The following NEK7 variants were observed in gnomAD, a reference collection of about 807,000 sequenced individuals.
NEK7 encodes NIMA related kinase 7.
Under a neutral mutation model 44.6 loss-of-function variants are expected in NEK7, and 18 were observed. The ratio of observed to expected loss-of-function variants is 0.40; its 90% CI spans 0.28 to 0.60. The LOEUF (loss-of-function observed/expected upper bound fraction) is 0.60, where lower values mean the gene tolerates loss of function less well. NEK7 is among the 20% of genes least tolerant of loss of function. The pLI is 0.38. For missense variants in NEK7, 256 were observed against 366.5 expected, an observed-to-expected ratio of 0.70 and a Z score of 2.46; for synonymous variants, 130 against 121.1, an observed-to-expected ratio of 1.07 and a Z score of -0.48.
In NEK7 at chr1:198,262,651, T is replaced by C; in HGVS notation, c.261+14T>C. 1 of 1,491,522 alleles carries C rather than the reference T, an allele frequency of 6.7e-7. No homozygotes were observed. The highest frequency in any genetic ancestry group is 2.3e-5 in the East Asian group (1 of 43,870). 92.4% of individuals were successfully genotyped at this position (1,491,522 alleles called of 1,614,324 possible). On this transcript the variant is annotated intron_variant, in intron 4 of 9. Transcript: ENST00000367385. ...GATCTTCTTAAGGTAATTAATGAAC[T>C]GTTGACTCTTTTGAACATAACATGG...
intron 1 of NEK7, among the ~76,000 whole-genome samples, chr1:198,185,833 C>T (rs1042389684): frequency 6.6e-6 from 1 of 152,098 alleles, no homozygotes; most frequent in African/African-American, 2.4e-5. Flanking sequence ...GCAGAGAAGG[C>T]ATTATTTGTT....
chr1:198,262,265 C>T (rs76920081), intron 3 of NEK7, among the ~76,000 whole-genome samples: 3,985 of 151,964 alleles, frequency 0.026, 176 homozygotes, highest in African/African-American at 0.09. Flanking sequence ...ATTAATTGCT[C>T]AACATATATT....
intron 1 of NEK7, among the ~76,000 whole-genome samples, chr1:198,176,632 T>C (rs1172722176): frequency 6.6e-6 from 1 of 152,072 alleles, no homozygotes; most frequent in Non-Finnish European, 1.5e-5. Flanking sequence ...AAGAATTTCA[T>C]TACTAACATC....
chr1:198,227,372 G>T (rs1182983633), intron 1 of NEK7, among the ~76,000 whole-genome samples: 2 of 152,212 alleles, frequency 1.3e-5, no homozygotes, highest in Non-Finnish European at 2.9e-5. Context: ...ATAATCCTTT[G>T]GGTATATACC....
At chr1:198,193,864 ATTG>A (rs1461774493) in intron 1 of NEK7, among the ~76,000 whole-genome samples, 1 of 152,228 alleles carries the variant, frequency 6.6e-6, no homozygotes, top group African/African-American at 2.4e-5. Flanking sequence ...CCAATATCAT[ATTG>A]AATGGGCAAA....
intron 9 of NEK7, among the ~76,000 whole-genome samples, chr1:198,305,100 G>T (rs1558103509): frequency 9.1e-6 from 1 of 109,826 alleles, no homozygotes; most frequent in Admixed American, 1.1e-4. Context: ...CATAAACCAT[G>T]AAATGCTTAC....
chr1:198,279,122 G>T, intron 7 of NEK7, 61 bp downstream of exon 7: 1 of 1,016,250 alleles, frequency 9.8e-7, no homozygotes. Flanking sequence ...AAAGATAAGA[G>T]GTATACCAAT....
intron 7 of NEK7, among the ~76,000 whole-genome samples, chr1:198,284,001 G>T (rs1198045373): frequency 1.3e-5 from 2 of 152,020 alleles, no homozygotes; most frequent in African/African-American, 4.8e-5. Flanking sequence ...CTTGTTATCT[G>T]GCCTGTTGAA....
intron 1 of NEK7, among the ~76,000 whole-genome samples, chr1:198,166,202 A>T (rs1425807890): frequency 6.6e-6 from 1 of 152,222 alleles, no homozygotes; most frequent in Non-Finnish European, 1.5e-5. Flanking sequence ...GTGTTCACTG[A>T]GTATCACTTT....
rs759739444 is a variant in NEK7, at chr1:198,179,872, A to G, written c.-29+22596A>G. 1.2e-4 allele frequency among the ~76,000 whole-genome samples: 18 copies of G among 152,138 alleles called. No homozygotes were observed. The South Asian group carries it at 1.2e-3, about 11-fold the overall frequency. On this transcript the variant is annotated intron_variant, in intron 1 of 9. Coordinates refer to ENST00000367385, the MANE Select transcript of NEK7 (RefSeq NM_133494.3). Reference sequence around the variant, plus strand: ...ACGTGTGTGTAAACACACAAAGTAGACTGAACTTAAACCTGATTTATAGGA... The same window carrying G: ...ACGTGTGTGTAAACACACAAAGTAGGCTGAACTTAAACCTGATTTATAGGA...
intron 3 of NEK7, among the ~76,000 whole-genome samples, chr1:198,259,114 CTT>C (rs1256024277): frequency 2.0e-5 from 3 of 152,124 alleles, no homozygotes; most frequent in Admixed American, 2.0e-4. Context: ...TGAGGAGTGA[CTT>C]TTGATATTAT....
At chr1:198,207,476 G>T (rs944457621) in intron 1 of NEK7, among the ~76,000 whole-genome samples, 21 of 152,092 alleles carry the variant, frequency 1.4e-4, no homozygotes, top group African/African-American at 5.1e-4. Context: ...ACCCCCCTCA[G>T]TTGGAGAATG....
At chr1:198,298,819 C>T (rs1247561508) in intron 9 of NEK7, among the ~76,000 whole-genome samples, 3 of 152,142 alleles carry the variant, frequency 2.0e-5, no homozygotes, top group Admixed American at 1.3e-4. Context: ...TAGGAGATGC[C>T]GAGTGCAGCA....
At chr1:198,162,528 C>T (rs1160338331) in intron 1 of NEK7, among the ~76,000 whole-genome samples, 1 of 152,084 alleles carries the variant, frequency 6.6e-6, no homozygotes, top group Non-Finnish European at 1.5e-5. Context: ...AATGAAAATA[C>T]CTTTGTAAAT....
intron 2 of NEK7, among the ~76,000 whole-genome samples, chr1:198,245,030 T>G (rs929129733): frequency 1.3e-5 from 2 of 152,216 alleles, no homozygotes; most frequent in African/African-American, 4.8e-5. Context: ...ACACATGCTT[T>G]GTATGTTTTG....
intron 1 of NEK7, among the ~76,000 whole-genome samples, chr1:198,224,085 A>G (rs1160450404): frequency 1.3e-5 from 2 of 152,134 alleles, no homozygotes; most frequent in Admixed American, 1.3e-4. Flanking sequence ...TTATTGAAAT[A>G]CTTCTCTTTT....
At chr1:198,231,083 C>T (rs1666374353) in intron 1 of NEK7, among the ~76,000 whole-genome samples, 1 of 151,092 alleles carries the variant, frequency 6.6e-6, no homozygotes, top group Non-Finnish European at 1.5e-5. Context: ...TAAAATCAGA[C>T]ACGTAATTAA....
intron 9 of NEK7, among the ~76,000 whole-genome samples, chr1:198,301,032 T>G (rs1459495498): frequency 6.6e-6 from 1 of 152,256 alleles, no homozygotes; most frequent in Non-Finnish European, 1.5e-5. Flanking sequence ...ATCAAAATTA[T>G]CTATTTGTTC....
chr1:198,213,678 G>C (rs1347151805), intron 1 of NEK7, among the ~76,000 whole-genome samples: 1 of 152,156 alleles, frequency 6.6e-6, no homozygotes, highest in African/African-American at 2.4e-5. Flanking sequence ...GTGTTACTGG[G>C]AGGTGGGTCG....
Sources: gnomAD v4.1 joint callset for allele counts (sites outside exome capture counted in the v4.1 genomes callset) on GRCh38, gnomAD v4.1.1 for gene constraint, MANE v1.5 for transcripts, NCBI Gene and HGNC (gene_info 2026-07-23, HGNC 2026-07-21) for gene names.